Variants in SLC2A7 observed in about 807,000 individuals in gnomAD.
SLC2A7 encodes solute carrier family 2 member 7.
In SLC2A7, 50 loss-of-function variants were observed where a neutral mutation model predicts 50.5. The ratio of observed to expected loss-of-function variants is 0.99; its 90% confidence interval spans 0.79 to 1.25. The LOEUF is 1.25. SLC2A7 is among the 50% of genes most tolerant of loss of function. SLC2A7 has a pLI of 0.00. For missense variants in SLC2A7, 683 were observed against 679.1 expected, an observed-to-expected ratio of 1.01 and a Z score of -0.06; for synonymous variants, 308 against 300.4, an observed-to-expected ratio of 1.03 and a Z score of -0.26.
intron 4 of SLC2A7, among the ~76,000 whole-genome samples, chr1:9,018,631 A>G (rs1180030094): frequency 6.6e-6 from 1 of 152,226 alleles, no homozygotes; most frequent in Non-Finnish European, 1.5e-5. Flanking sequence ...GCCGCTTGTT[A>G]CAGGGGAGGA....
At chr1:9,006,967 T>C (rs1640661443) in intron 10 of SLC2A7, among the ~76,000 whole-genome samples, 1 of 152,188 alleles carries the variant, frequency 6.6e-6, no homozygotes, top group African/African-American at 2.4e-5. Flanking sequence ...CAAGTGAGTG[T>C]CTGGAGGGTG....
intron 6 of SLC2A7, 124 bp from the exon 7 acceptor site, chr1:9,014,992 C>G: frequency 6.6e-7 from 1 of 1,515,534 alleles, no homozygotes; most frequent in Non-Finnish European, 8.8e-7. Flanking sequence ...GTTGCCACCC[C>G]CCCACCCCGT....
Position 9,008,085 on chromosome 1 carries a change from A to G in SLC2A7, c.1117-700T>C, listed in dbSNP as rs1640684186. 6.6e-6 allele frequency among the ~76,000 whole-genome samples: 1 copy of G among 152,000 alleles called. No homozygotes were observed. The highest frequency in any genetic ancestry group is 1.5e-5 in the Non-Finnish European group (1 of 67,994). On this transcript the variant is annotated intron_variant, in intron 9 of 11. Coordinates refer to ENST00000400906, the MANE Select transcript of SLC2A7 (RefSeq NM_207420.3). The surrounding 1 kb of genome is among the most constrained non-coding windows in gnomAD (Gnocchi z 5.9). ...ACTCCTAGGACCCCCGGACCCGTGG[A>G]GCTGGCAGACCACCATCTCTGCTCC...
At chr1:9,017,067 TA>T (rs1296226114) in intron 5 of SLC2A7, among the ~76,000 whole-genome samples, 1 of 152,090 alleles carries the variant, frequency 6.6e-6, no homozygotes, top group Non-Finnish European at 1.5e-5. Flanking sequence ...AACCTAAAAA[TA>T]TTCTAGGTAA....
At chr1:9,005,643 T>TA (rs1276286322) in intron 10 of SLC2A7, among the ~76,000 whole-genome samples, 2 of 151,778 alleles carry the variant, frequency 1.3e-5, no homozygotes, top group Admixed American at 6.6e-5. Context: ...CCATCTCTAC[T>TA]AAAAATATAA....
In SLC2A7 at chr1:9,014,784, C is replaced by A. The variant is rs1213439658; in HGVS notation, c.800G>T (p.Gly267Val). 3.8e-6 allele frequency: 6 copies of A among 1,599,654 alleles called. No homozygotes were observed. The highest frequency in any genetic ancestry group is 5.1e-6 in the Non-Finnish European group (6 of 1,174,104). Residue 267 changes from glycine (G) to valine (V), a missense_variant, in exon 7 of 12, where the codon GGC becomes GTC. By Grantham distance (109) the Gly-to-Val change is moderately radical. Coordinates refer to ENST00000400906, the MANE Select transcript of SLC2A7 (RefSeq NM_207420.3). ...ACAGAGGTGCAGCACAGACAGGTGG[C>A]CCTCGGCGCGCTCGGCCCGGGCCTC... Reference protein sequence around the residue: ...RAEARAERAEGHLSVLHLCAL... With the variant: ...RAEARAERAEVHLSVLHLCAL...
At position 9,015,138 on chromosome 1, in the gene SLC2A7, C is replaced by T. The variant is rs201804992; in HGVS notation, c.694G>A (p.Asp232Asn). ...SPRYSLIQKG[D>N]EATARQALRR... is the part of the protein sequence containing the mutation. Reference sequence around the variant, plus strand: ...ATACCTTGTCGCGCTGTGGCTTCATCTCCTTTCTGAATCAGGGAGTAGCGG... The same window carrying T: ...ATACCTTGTCGCGCTGTGGCTTCATTTCCTTTCTGAATCAGGGAGTAGCGG... Residue 232 changes from aspartate to asparagine, a missense_variant, in exon 6 of 12, where the codon GAT becomes AAT. Coordinates refer to ENST00000400906, the MANE Select transcript of SLC2A7 (RefSeq NM_207420.3). 3 of 1,613,470 alleles carry T rather than the reference C, an allele frequency of 1.9e-6. No individual in the cohort carries two copies. Among genetic ancestry groups the T allele is most frequent in the Middle Eastern group, 1.7e-4 (1 of 6,040 alleles).
intron 2 of SLC2A7, among the ~76,000 whole-genome samples, chr1:9,024,363 A>G (rs1435136729): frequency 6.6e-6 from 1 of 152,236 alleles, no homozygotes; most frequent in Non-Finnish European, 1.5e-5. Context: ...ATATGTATAT[A>G]TACGTAATAC....
chr1:8,994,476 C>T, the SLC2A7 span, among the ~76,000 whole-genome samples: 21 of 152,158 alleles, frequency 1.4e-4, no homozygotes, highest in Admixed American at 6.5e-5. Context: ...GGAGAGGCTG[C>T]AGCGCTTAGA....
At chr1:9,007,734 ATTCT>A (rs1454261246) in intron 9 of SLC2A7, among the ~76,000 whole-genome samples, 81 of 136,384 alleles carry the variant, frequency 5.9e-4, no homozygotes, top group African/African-American at 2.0e-3. Context: ...TGACTCTACG[ATTCT>A]TTCTTTTTTT....
At position 9,015,124 on chromosome 1, in the gene SLC2A7, CGCTGTG is replaced by C; in HGVS notation, c.702_707del (p.Thr235_Ala236del). 6.2e-7 allele frequency: 1 copy of C among 1,613,266 alleles called. No individual in the cohort carries two copies. Among genetic ancestry groups the C allele is most frequent in the South Asian group, 1.1e-5 (1 of 90,872 alleles). On this transcript the variant is annotated inframe_deletion, in exon 6 of 12. Coordinates refer to ENST00000400906, the MANE Select transcript of SLC2A7 (RefSeq NM_207420.3). ...TAGCCGGCGACTTCATACCTTGTCG[CGCTGTG>C]GCTTCATCTCCTTTCTGAATCAGGG...
downstream of SLC2A7, among the ~76,000 whole-genome samples, chr1:8,998,067 G>A (rs1312371892): frequency 6.6e-6 from 1 of 152,090 alleles, no homozygotes; most frequent in Non-Finnish European, 1.5e-5. Flanking sequence ...CACATTTGTT[G>A]GATATGCTGT....
chr1:9,003,191 C>A lies in SLC2A7; in HGVS notation c.*109G>T. ...TATCCATAATTAAGTTAAATGGGGGCAACGACAAAAGCCTCCGTGCTATTA... is the reference window on the plus strand; with the variant it reads ...TATCCATAATTAAGTTAAATGGGGGAAACGACAAAAGCCTCCGTGCTATTA... On this transcript the variant is annotated 3_prime_UTR_variant, in exon 12 of 12. Coordinates refer to ENST00000400906, the MANE Select transcript of SLC2A7 (RefSeq NM_207420.3). The A allele has an allele frequency of 1.1e-6, 1 of 895,356 alleles. No individual in the cohort carries two copies. Among genetic ancestry groups the A allele is most frequent in the Non-Finnish European group, 1.7e-6 (1 of 587,000 alleles). The allele number at this position is 895,356 out of a possible 1,614,324, so 55.5% of individuals were successfully genotyped here.
chr1:9,011,746 C>CTTTTTTTTTTT (rs34758810), intron 8 of SLC2A7, among the ~76,000 whole-genome samples: 3 of 93,230 alleles, frequency 3.2e-5, no homozygotes, highest in Non-Finnish European at 6.0e-5. Context: ...TCTTCTTCTT[C>CTTTTTTTTTTT]TTTTTTTTTT....
intron 9 of SLC2A7, among the ~76,000 whole-genome samples, chr1:9,007,904 T>C (rs1640680763): frequency 6.6e-6 from 1 of 152,010 alleles, no homozygotes; most frequent in Admixed American, 6.5e-5. Context: ...CCGGCTTATA[T>C]GATTGTTTCA....
At chr1:9,009,230 G>C (rs1640705162) in intron 9 of SLC2A7, among the ~76,000 whole-genome samples, 1 of 152,208 alleles carries the variant, frequency 6.6e-6, no homozygotes, top group Non-Finnish European at 1.5e-5. Context: ...AAGGGCTCAG[G>C]ACAGTGCTGC....
rs1398209311 is a variant in SLC2A7 at position 9,008,743 on chromosome 1, C to T, written c.1117-1358G>A. On this transcript the variant is annotated intron_variant, in intron 9 of 11. Coordinates refer to ENST00000400906, the MANE Select transcript of SLC2A7 (RefSeq NM_207420.3). The surrounding 1 kb of genome is among the most constrained non-coding windows in gnomAD (Gnocchi z 5.9). Reference sequence around the variant, plus strand: ...TCCCGAGTAACTGGGATTACAGGCACACGCCACCACACCCGACTAAATTTT... The same window carrying T: ...TCCCGAGTAACTGGGATTACAGGCATACGCCACCACACCCGACTAAATTTT... 6.6e-6 allele frequency among the ~76,000 whole-genome samples: 1 copy of T among 151,972 alleles called. No individual in the cohort carries two copies. The highest frequency in any genetic ancestry group is 1.5e-5 in the Non-Finnish European group (1 of 67,976).
At chr1:9,018,810 T>C (rs568326204) in intron 4 of SLC2A7, among the ~76,000 whole-genome samples, 2 of 152,208 alleles carry the variant, frequency 1.3e-5, no homozygotes, top group Admixed American at 1.3e-4. Context: ...GACGATACCT[T>C]GTAAAACCTT....
intron 8 of SLC2A7, among the ~76,000 whole-genome samples, chr1:9,010,897 C>T (rs1640739487): frequency 6.6e-6 from 1 of 152,196 alleles, no homozygotes; most frequent in South Asian, 2.1e-4. Context: ...AGGGACTGCC[C>T]TTCCCACCCC....
Sources: gnomAD v4.1 joint callset for allele counts (sites outside exome capture counted in the v4.1 genomes callset) on GRCh38, gnomAD v4.1.1 for gene constraint, Gnocchi (gnomAD v3.1) non-coding constraint, MANE v1.5 for transcripts, NCBI Gene and HGNC (gene_info 2026-07-23, HGNC 2026-07-21) for gene names.